The following MKLN1 variants were observed in gnomAD, a reference collection of about 807,000 sequenced individuals.
MKLN1 encodes the protein muskelin.
Under a neutral mutation model 99.0 loss-of-function variants are expected in MKLN1, and 18 were observed. The observed-to-expected ratio is 0.18, with a 90% CI of 0.13 to 0.27. MKLN1 has a LOEUF of 0.27. MKLN1 is among the 10% of genes least tolerant of loss of function. MKLN1 has a pLI of 1.00. For missense variants in MKLN1, 621 were observed against 875.9 expected (o/e 0.71, Z 3.67); for synonymous variants, 288 against 293.2 (o/e 0.98, Z 0.18).
intron 3 of MKLN1, among the ~76,000 whole-genome samples, chr7:131,267,724 G>A (rs1048248436): frequency 3.9e-5 from 6 of 152,144 alleles, no homozygotes; most frequent in Admixed American, 1.3e-4. Flanking sequence ...TTTTTTAAAT[G>A]TTTTCAGTCA....
chr7:131,114,049 TAAGA>T (rs377490282), intron 1 of MKLN1, among the ~76,000 whole-genome samples: 334 of 152,162 alleles, frequency 2.2e-3, no homozygotes, highest in African/African-American at 7.8e-3. Flanking sequence ...TATCACATTA[TAAGA>T]AAGAAATAAT....
At chr7:131,229,421 G>T (rs1379135262) in intron 3 of MKLN1, among the ~76,000 whole-genome samples, 1 of 152,074 alleles carries the variant, frequency 6.6e-6, no homozygotes, top group African/African-American at 2.4e-5. Context: ...TTAGTTGAAA[G>T]AAATGTCTGA....
intron 3 of MKLN1, among the ~76,000 whole-genome samples, chr7:131,283,372 C>T (rs1798086303): frequency 8.7e-6 from 1 of 115,210 alleles, no homozygotes; most frequent in African/African-American, 3.3e-5. Context: ...TTCCTTCCTT[C>T]CTTCCTTCCT....
intron 3 of MKLN1, among the ~76,000 whole-genome samples, chr7:131,205,850 G>A (rs1174461511): frequency 6.6e-6 from 1 of 151,084 alleles, no homozygotes; most frequent in African/African-American, 2.4e-5. Context: ...CTCACCTCTG[G>A]AATCTCTGTG....
intron 3 of MKLN1, among the ~76,000 whole-genome samples, chr7:131,280,632 GTTTTTTTTTTCTTTTAA>G (rs1460477263): frequency 6.9e-5 from 10 of 145,230 alleles, no homozygotes; most frequent in African/African-American, 2.5e-4. Flanking sequence ...ATTCATCCAT[GTTTTTTTTTTCTTTTAA>G]TTTTTTTTTT....
At chr7:131,467,268 C>T (rs759944537) in intron 15 of MKLN1, among the ~76,000 whole-genome samples, 4 of 152,086 alleles carry the variant, frequency 2.6e-5, no homozygotes, top group East Asian at 1.9e-4. Context: ...TATATACATA[C>T]GTATCAATGA....
chr7:131,460,834 A>C (rs1385067634), intron 12 of MKLN1, among the ~76,000 whole-genome samples: 1 of 152,236 alleles, frequency 6.6e-6, no homozygotes, highest in Non-Finnish European at 1.5e-5. Flanking sequence ...AAGACAAAAT[A>C]GAATAATGAA....
chr7:131,405,723 G>T (rs964637996), intron 6 of MKLN1, among the ~76,000 whole-genome samples: 1 of 151,992 alleles, frequency 6.6e-6, no homozygotes, highest in Non-Finnish European at 1.5e-5. Context: ...AATTTGTGGC[G>T]ATTTACTACT....
chr7:131,276,765 A>G (rs1218465066), intron 3 of MKLN1, among the ~76,000 whole-genome samples: 1 of 152,178 alleles, frequency 6.6e-6, no homozygotes. Flanking sequence ...CATAATCATA[A>G]CTTTCCTGAT....
intron 3 of MKLN1, among the ~76,000 whole-genome samples, chr7:131,215,102 A>G (rs775187083): frequency 1.3e-5 from 2 of 152,248 alleles, no homozygotes; most frequent in Non-Finnish European, 2.9e-5. Flanking sequence ...GCTGGAGTGC[A>G]GTCGCTTGAT....
chr7:131,387,206 G>A lies in MKLN1; in HGVS notation c.255G>A (p.Lys85=). Residue 85 remains lysine, a synonymous_variant, in exon 3 of 18, where the codon AAG becomes AAA. Coordinates refer to ENST00000352689, the MANE Select transcript of MKLN1 (RefSeq NM_013255.5). ...AGAAAACTCATGTTTGCAATTTGAAGAAATTTAAAGTCTTTGGTGGAATGA... is the reference window on the plus strand; with the variant it reads ...AGAAAACTCATGTTTGCAATTTGAAAAAATTTAAAGTCTTTGGTGGAATGA... ...KYEKTHVCNL[K]KFKVFGGMNE... is the part of the protein sequence containing the mutation. 1.2e-6 allele frequency: 2 copies of A among 1,612,720 alleles called. No homozygotes were observed. The highest frequency in any genetic ancestry group is 1.7e-6 in the Non-Finnish European group (2 of 1,179,318).
At chr7:131,132,874 C>G (rs1220228757) in intron 1 of MKLN1, among the ~76,000 whole-genome samples, 2 of 127,400 alleles carry the variant, frequency 1.6e-5, no homozygotes, top group Admixed American at 1.0e-4. Flanking sequence ...TGCAGTGGAC[C>G]GAGATCAAGC....
chr7:131,471,420 AGTATT>A lies in MKLN1; in HGVS notation c.2031+479_2031+483del, dbSNP rs1373510086. Among the ~76,000 whole-genome samples the A allele has an allele frequency of 1.8e-4, 28 of 152,324 alleles. 1 individual carries two copies. The South Asian group carries it at 5.6e-3, about 30-fold the overall frequency. Reference sequence around the variant, plus strand: ...TATTTAGTTATGTGAATGTTGTAGCAGTATTGTTTGTCTATAGGCTACTAATTTCA... The same window carrying A: ...TATTTAGTTATGTGAATGTTGTAGCAGTTTGTCTATAGGCTACTAATTTCA... On this transcript the variant is annotated intron_variant, in intron 16 of 17. Coordinates refer to ENST00000352689, the MANE Select transcript of MKLN1 (RefSeq NM_013255.5).
At chr7:131,373,129 G>A (rs1004415386) in intron 1 of MKLN1, among the ~76,000 whole-genome samples, 1 of 151,936 alleles carries the variant, frequency 6.6e-6, no homozygotes, top group African/African-American at 2.4e-5. Context: ...CTCCTGAAAA[G>A]TTACATTAAT....
chr7:131,340,226 T>C (rs1021430083), intron 1 of MKLN1, among the ~76,000 whole-genome samples: 2 of 151,442 alleles, frequency 1.3e-5, no homozygotes, highest in Non-Finnish European at 2.9e-5. Context: ...TTAAATGCTT[T>C]CATAGCAGTG....
intron 3 of MKLN1, among the ~76,000 whole-genome samples, chr7:131,224,873 A>C (rs1802170877): frequency 6.6e-6 from 1 of 151,696 alleles, no homozygotes; most frequent in Non-Finnish European, 1.5e-5. Flanking sequence ...GGAAATCGAG[A>C]CCATCCTGGC....
chr7:131,481,084 C>T (rs527843887), intron 17 of MKLN1, among the ~76,000 whole-genome samples: 1 of 152,018 alleles, frequency 6.6e-6, no homozygotes, highest in Non-Finnish European at 1.5e-5. Flanking sequence ...ACAATACAAA[C>T]ACAAAAAGAG....
rs985042646 is a variant in MKLN1, at chr7:131,490,302, T to A, written c.*2574T>A. ...ATAAATTAAGTGGGATACAGTTTTC[T>A]CATTTGTATTATCTCCAGCTTCAAC... On this transcript the variant is annotated 3_prime_UTR_variant, in exon 18 of 18. Coordinates refer to ENST00000352689, the MANE Select transcript of MKLN1 (RefSeq NM_013255.5). 6.6e-6 allele frequency: 1 copy of A among 152,600 alleles called. No individual in the cohort carries two copies. The highest frequency in any genetic ancestry group is 6.6e-5 in the Admixed American group (1 of 15,254). 9.5% of individuals were successfully genotyped at this position (152,600 alleles called of 1,614,324 possible).
At chr7:131,351,327 A>G (rs1374844009) in intron 1 of MKLN1, among the ~76,000 whole-genome samples, 1 of 152,178 alleles carries the variant, frequency 6.6e-6, no homozygotes, top group Non-Finnish European at 1.5e-5. Flanking sequence ...TGTTGAAGAA[A>G]TCAGGTCATT....
Sources: allele counts gnomAD v4.1 joint callset (sites outside exome capture counted in the v4.1 genomes callset), GRCh38; gene constraint gnomAD v4.1.1; transcripts MANE v1.5; gene names NCBI Gene and HGNC (gene_info 2026-07-23, HGNC 2026-07-21).